STAC: variants seen among roughly 807,000 people sequenced by gnomAD.
STAC encodes SH3 and cysteine-rich domain-containing protein.
A neutral mutation model predicts 48.8 loss-of-function variants in STAC; 43 were observed. The ratio of observed to expected loss-of-function variants is 0.88; its 90% CI spans 0.69 to 1.14. The LOEUF (loss-of-function observed/expected upper bound fraction) is 1.14, where lower values mean the gene tolerates loss of function less well. Among genes scored for constraint, STAC ranks in the 50% most tolerant of loss-of-function variants. The pLI is 0.00. For missense variants in STAC, 497 were observed against 504.0 expected (o/e 0.99, Z 0.13); for synonymous variants, 193 against 179.5 (o/e 1.07, Z -0.60).
chr3:36,402,945 G>C (rs1700026114), intron 1 of STAC, among the ~76,000 whole-genome samples: 1 of 152,086 alleles, frequency 6.6e-6, no homozygotes, highest in Admixed American at 6.6e-5. Flanking sequence ...AATATGAACA[G>C]ACAACTAAAG....
At chr3:36,436,918 C>G (rs1003042790) in intron 1 of STAC, among the ~76,000 whole-genome samples, 2 of 151,730 alleles carry the variant, frequency 1.3e-5, no homozygotes, top group African/African-American at 2.4e-5. Context: ...TGAACTCAAA[C>G]AAATTTACAA....
At chr3:36,477,850 G>A (rs964936994) in intron 2 of STAC, among the ~76,000 whole-genome samples, 8 of 152,206 alleles carry the variant, frequency 5.3e-5, no homozygotes, top group Non-Finnish European at 1.2e-4. Flanking sequence ...CCATGTTTTC[G>A]CAACATCTCC....
chr3:36,385,116 G>C (rs749206638), intron 1 of STAC, among the ~76,000 whole-genome samples: 6 of 152,132 alleles, frequency 3.9e-5, no homozygotes, highest in Non-Finnish European at 7.4e-5. Context: ...TTTCTATACA[G>C]ATGCCCACTG....
At chr3:36,512,562 A>AG (rs1354313056) in intron 8 of STAC, among the ~76,000 whole-genome samples, 4 of 152,110 alleles carry the variant, frequency 2.6e-5, no homozygotes, top group Non-Finnish European at 4.4e-5. Context: ...CAGAAAAAAA[A>AG]AAGAATGTTA....
At chr3:36,390,451 C>CTTTGTTTTTTTTTTTTTTTTTTTT (rs1699727096) in intron 1 of STAC, among the ~76,000 whole-genome samples, 1 of 80,824 alleles carries the variant, frequency 1.2e-5, no homozygotes, top group Non-Finnish European at 2.4e-5. Flanking sequence ...TTTTTCTTTT[C>CTTTGTTTTTTTTTTTTTTTTTTTT]TTTTTTTTTT....
At chr3:36,407,339 T>G (rs1358680190) in intron 1 of STAC, among the ~76,000 whole-genome samples, 5 of 152,230 alleles carry the variant, frequency 3.3e-5, no homozygotes. Context: ...TGCGTAAATA[T>G]GACAGACAAT....
At chr3:36,404,747 TG>T (rs1487232586) in intron 1 of STAC, among the ~76,000 whole-genome samples, 4 of 140,172 alleles carry the variant, frequency 2.9e-5, no homozygotes, top group East Asian at 4.9e-4. Flanking sequence ...ATATAAAAAT[TG>T]GTAAATAGAT....
In STAC at chr3:36,528,809, T is replaced by C. The variant is rs1340338106; in HGVS notation, c.973-39T>C. On this transcript the variant is annotated intron_variant, in intron 9 of 10. Coordinates refer to ENST00000273183, the MANE Select transcript of STAC (RefSeq NM_003149.3). ...ATCATTTGGTAACTATTATAATACA[T>C]GCTACAATTGTGGATGCATGCCTCC... The C allele has an allele frequency of 2.5e-6, 4 of 1,607,980 alleles. No homozygotes were observed. The South Asian group carries it at 4.4e-5, about 18-fold the overall frequency.
intron 10 of STAC, among the ~76,000 whole-genome samples, chr3:36,533,263 A>G (rs1474054271): frequency 6.6e-6 from 1 of 152,152 alleles, no homozygotes; most frequent in East Asian, 1.9e-4. Flanking sequence ...CATCATCATC[A>G]GACTGACACC....
intron 1 of STAC, among the ~76,000 whole-genome samples, chr3:36,405,715 C>A (rs1478860453): frequency 6.6e-6 from 1 of 152,148 alleles, no homozygotes; most frequent in African/African-American, 2.4e-5. Flanking sequence ...CCCTTCTAAC[C>A]AGATCTCTTC....
chr3:36,541,981 T>C (rs769222599), intron 10 of STAC, among the ~76,000 whole-genome samples: 14 of 151,774 alleles, frequency 9.2e-5, no homozygotes, highest in Non-Finnish European at 1.8e-4. Flanking sequence ...GAAGTCTCTT[T>C]ATGTTAGAGA....
At chr3:36,503,805 A>C (rs1391704193) in intron 6 of STAC, among the ~76,000 whole-genome samples, 1 of 152,204 alleles carries the variant, frequency 6.6e-6, no homozygotes, top group Non-Finnish European at 1.5e-5. Flanking sequence ...AAAAGGAAGA[A>C]AATTATACTT....
chr3:36,468,468 A>C (rs1261552721), intron 2 of STAC, among the ~76,000 whole-genome samples: 1 of 151,866 alleles, frequency 6.6e-6, no homozygotes, highest in African/African-American at 2.4e-5. Context: ...TTCTGTCTTA[A>C]TGGCCTGTCT....
At chr3:36,458,617 T>G (rs1337278645) in intron 2 of STAC, among the ~76,000 whole-genome samples, 1 of 152,194 alleles carries the variant, frequency 6.6e-6, no homozygotes, top group Non-Finnish European at 1.5e-5. Context: ...ACTTTGCTTC[T>G]CTGAGCCCTA....
intron 1 of STAC, among the ~76,000 whole-genome samples, chr3:36,428,815 T>C (rs4678878): frequency 0.44 from 66,608 of 152,004 alleles, 14,809 homozygotes; most frequent in African/African-American, 0.5. Context: ...ACGGAAAGGA[T>C]ATTAGATTTT....
intron 10 of STAC, among the ~76,000 whole-genome samples, chr3:36,538,548 A>T (rs751717236): frequency 6.6e-6 from 1 of 152,342 alleles, no homozygotes; most frequent in East Asian, 1.9e-4. Flanking sequence ...CGGAAAACAG[A>T]TCAAGACGTG....
At chr3:36,439,517 G>T (rs993771596) in intron 1 of STAC, among the ~76,000 whole-genome samples, 1 of 152,202 alleles carries the variant, frequency 6.6e-6, no homozygotes, top group African/African-American at 2.4e-5. Flanking sequence ...TTTTCTGTGT[G>T]ATGGTGTTTA....
At chr3:36,545,121 C>CA (rs1302054189) in intron 10 of STAC, among the ~76,000 whole-genome samples, 1 of 152,186 alleles carries the variant, frequency 6.6e-6, no homozygotes, top group Non-Finnish European at 1.5e-5. Flanking sequence ...ACGAACAACT[C>CA]ACAGCTGCCC....
At position 36,483,001 on chromosome 3, in the gene STAC, C is replaced by G. The variant is rs530025225; in HGVS notation, c.398C>G (p.Ala133Gly). The change falls in exon 3 of 11, where the codon GCT (alanine) becomes GGT (glycine). Residue 133 changes from alanine (A) to glycine (G), a missense_variant. Transcript: ENST00000273183. ...VCNHMIVGTN[A>G]KHGLRCKACK... Reference sequence around the variant, plus strand: ...GCCATGTACCTGACAGGAACAAATGCTAAGCATGGACTGCGCTGCAAAGCC... The same window carrying G: ...GCCATGTACCTGACAGGAACAAATGGTAAGCATGGACTGCGCTGCAAAGCC... 19 of 1,613,828 alleles carry G rather than the reference C, an allele frequency of 1.2e-5. No homozygotes were observed. The South Asian group carries it at 2.0e-4, about 17-fold the overall frequency.
Sources: gnomAD v4.1 joint callset for allele counts (sites outside exome capture counted in the v4.1 genomes callset) on GRCh38, gnomAD v4.1.1 for gene constraint, MANE v1.5 for transcripts, NCBI Gene and HGNC (gene_info 2026-07-23, HGNC 2026-07-21) for gene names.